L3MBTL4: variants seen among roughly 807,000 people sequenced by gnomAD.
L3MBTL4 encodes the protein L3MBTL histone methyl-lysine binding protein 4, also known as lethal(3)malignant brain tumor-like protein 4.
L3MBTL4 carries 70 observed loss-of-function variants against 84.5 expected under a neutral mutation model. The observed-to-expected ratio is 0.83, with a 90% confidence interval of 0.68 to 1.01. L3MBTL4 has a LOEUF of 1.01. Ranked by LOEUF, L3MBTL4 falls within the 50% of genes least tolerant of loss-of-function variation. The probability of loss-of-function intolerance (pLI) is 0.00; values close to 1 mark genes in which losing one functional copy is unlikely to be tolerated. For missense variants in L3MBTL4, 715 were observed against 754.8 expected (o/e 0.95, Z 0.62); for synonymous variants, 274 against 259.8 (o/e 1.05, Z -0.52).
At chr18:6,101,316 C>A (rs892304847) in intron 14 of L3MBTL4, among the ~76,000 whole-genome samples, 1 of 152,160 alleles carries the variant, frequency 6.6e-6, no homozygotes, top group African/African-American at 2.4e-5. Context: ...TCCTTCTCTC[C>A]ACCTTTCAAA....
chr18:6,285,227 T>C (rs770772823), intron 4 of L3MBTL4, among the ~76,000 whole-genome samples: 21 of 152,020 alleles, frequency 1.4e-4, no homozygotes, highest in Non-Finnish European at 2.5e-4. Flanking sequence ...GAGGTGGCCA[T>C]GGATGCCAGG....
chr18:6,274,354 T>C (rs760000122), intron 4 of L3MBTL4, among the ~76,000 whole-genome samples: 2 of 152,202 alleles, frequency 1.3e-5, no homozygotes, highest in Non-Finnish European at 2.9e-5. Flanking sequence ...TTGCTCCCTA[T>C]GAGGGCCAGT....
rs552882284 is a variant in L3MBTL4, at chr18:6,276,601, A to G, written c.128-12563T>C. The stretch of plus-strand genomic sequence containing the variant: ...CTCATTTTTCATTCCAAAAATATTA[A>G]TTGAATGCTTACTATGTGCTCAGAG... On this transcript the variant is annotated intron_variant, in intron 4 of 18. Transcript: ENST00000317931. Among the ~76,000 whole-genome samples, 43 of 152,074 alleles carry G rather than the reference A, an allele frequency of 2.8e-4. No individual in the cohort carries two copies. In the South Asian group the frequency reaches 9.0e-3, roughly 32 times the overall value.
chr18:6,019,981 G>C (rs1379647116), intron 16 of L3MBTL4, among the ~76,000 whole-genome samples: 1 of 152,210 alleles, frequency 6.6e-6, no homozygotes, highest in African/African-American at 2.4e-5. Flanking sequence ...ATTCGGAAGT[G>C]TCTTGAGTAC....
Position 6,304,776 on chromosome 18 carries a change from C to A in L3MBTL4, c.73-2819G>T, listed in dbSNP as rs576321246. Among the ~76,000 whole-genome samples the A allele has an allele frequency of 5.9e-5, 9 of 152,260 alleles. No homozygotes were observed. The East Asian group carries it at 1.7e-3, about 29-fold the overall frequency. On this transcript the variant is annotated intron_variant, in intron 3 of 18. Coordinates refer to ENST00000317931, the MANE Select transcript of L3MBTL4 (RefSeq NM_001330559.2). ...ACACAGGAAATTTACATATGTAATTCAAAACAAAGAGACTCCCTTCTACTG... is the reference window on the plus strand; with the variant it reads ...ACACAGGAAATTTACATATGTAATTAAAAACAAAGAGACTCCCTTCTACTG...
intron 14 of L3MBTL4, among the ~76,000 whole-genome samples, chr18:6,130,552 A>G (rs1403661395): frequency 2.6e-5 from 4 of 152,212 alleles, no homozygotes; most frequent in Non-Finnish European, 5.9e-5. Context: ...GTTCTAGGGC[A>G]AGAGGCCTTC....
chr18:6,072,622 T>A (rs1018860880), intron 16 of L3MBTL4, among the ~76,000 whole-genome samples: 14 of 150,396 alleles, frequency 9.3e-5, no homozygotes, highest in African/African-American at 3.4e-4. Flanking sequence ...GGGTGAATCA[T>A]GAGGTCAGGA....
chr18:6,085,552 G>A (rs908452155), intron 15 of L3MBTL4, among the ~76,000 whole-genome samples: 1 of 152,156 alleles, frequency 6.6e-6, no homozygotes, highest in African/African-American at 2.4e-5. Context: ...GTTTCCCCAT[G>A]CTGTTCTCAT....
intron 13 of L3MBTL4, among the ~76,000 whole-genome samples, chr18:6,142,084 T>G (rs1231185303): frequency 1.3e-5 from 2 of 152,234 alleles, no homozygotes; most frequent in African/African-American, 4.8e-5. Flanking sequence ...GGCTTATATT[T>G]CACTTCCTCA....
chr18:6,129,267 T>C (rs566079227), intron 14 of L3MBTL4, among the ~76,000 whole-genome samples: 1 of 152,234 alleles, frequency 6.6e-6, no homozygotes, highest in East Asian at 1.9e-4. Flanking sequence ...CAAAACAGTT[T>C]ATCAGCTATA....
intron 1 of L3MBTL4, among the ~76,000 whole-genome samples, chr18:6,384,791 G>C (rs1379053964): frequency 1.3e-5 from 2 of 152,136 alleles, no homozygotes; most frequent in African/African-American, 4.8e-5. Context: ...TCCTCTGGGG[G>C]AAGCCAGCTG....
intron 16 of L3MBTL4, among the ~76,000 whole-genome samples, chr18:6,066,780 C>T (rs945273299): frequency 2.0e-5 from 3 of 151,970 alleles, no homozygotes; most frequent in Non-Finnish European, 2.9e-5. Flanking sequence ...TTGAACATAG[C>T]AGATATTTGG....
chr18:6,254,533 G>A (rs1008644746), intron 5 of L3MBTL4, among the ~76,000 whole-genome samples: 1 of 150,774 alleles, frequency 6.6e-6, no homozygotes, highest in Non-Finnish European at 1.5e-5. Flanking sequence ...AAGGATGGCT[G>A]ATTGTGTATT....
intron 1 of L3MBTL4, among the ~76,000 whole-genome samples, chr18:6,335,996 C>G (rs563216432): frequency 6.6e-6 from 1 of 152,234 alleles, no homozygotes; most frequent in South Asian, 2.1e-4. Flanking sequence ...TAAATCAAAT[C>G]TAGTAGTTAA....
intron 1 of L3MBTL4, among the ~76,000 whole-genome samples, chr18:6,324,784 C>G (rs1376166816): frequency 6.6e-6 from 1 of 152,142 alleles, no homozygotes; most frequent in Non-Finnish European, 1.5e-5. Flanking sequence ...TAAAGATCTA[C>G]TAATGTGTTA....
intron 16 of L3MBTL4, among the ~76,000 whole-genome samples, chr18:6,056,423 A>G (rs1321348154): frequency 6.6e-6 from 1 of 152,202 alleles, no homozygotes; most frequent in African/African-American, 2.4e-5. Flanking sequence ...GCTAGGCAGG[A>G]GGCACTGGGC....
chr18:6,166,997 C>T (rs1459178797), intron 13 of L3MBTL4, among the ~76,000 whole-genome samples: 1 of 152,098 alleles, frequency 6.6e-6, no homozygotes, highest in Non-Finnish European at 1.5e-5. Context: ...AAGGGGATAT[C>T]ACCACCGATC....
chr18:6,353,215 C>T (rs889417110), intron 1 of L3MBTL4, among the ~76,000 whole-genome samples: 1 of 151,528 alleles, frequency 6.6e-6, no homozygotes, highest in African/African-American at 2.4e-5. Flanking sequence ...ATCAACGCAA[C>T]TCACAGTTCA....
intron 4 of L3MBTL4, among the ~76,000 whole-genome samples, chr18:6,267,159 A>C (rs938432678): frequency 5.3e-5 from 8 of 152,216 alleles, no homozygotes; most frequent in Non-Finnish European, 1.2e-4. Flanking sequence ...ATAAAGAAAA[A>C]CATCATATCA....
Sources: allele counts gnomAD v4.1 joint callset (sites outside exome capture counted in the v4.1 genomes callset), GRCh38; gene constraint gnomAD v4.1.1; transcripts MANE v1.5; gene names NCBI Gene and HGNC (gene_info 2026-07-23, HGNC 2026-07-21).